Variants in NEDD4L observed in about 807,000 individuals in gnomAD.
NEDD4L encodes the protein NEDD4 like E3 ubiquitin protein ligase, also known as E3 ubiquitin-protein ligase NEDD4-like.
Under a neutral mutation model 148.9 loss-of-function variants are expected in NEDD4L, and 54 were observed. That is an observed-to-expected ratio of 0.36 (90% confidence interval 0.29 to 0.45). The LOEUF is 0.45. NEDD4L is among the 20% of genes least tolerant of loss of function. The pLI is 1.00. For missense variants in NEDD4L, 856 were observed against 1,233.8 expected (o/e 0.69, Z 4.59); for synonymous variants, 433 against 440.7 (o/e 0.98, Z 0.22).
chr18:58,236,188 C>T (rs1370766253), intron 2 of NEDD4L, among the ~76,000 whole-genome samples: 1 of 151,700 alleles, frequency 6.6e-6, no homozygotes, highest in Non-Finnish European at 1.5e-5. Context: ...AACCTCGTCT[C>T]TACAAAAAAT....
chr18:58,255,336 A>C, intron 5 of NEDD4L: 3 of 268,706 alleles, frequency 1.1e-5, no homozygotes, highest in Non-Finnish European at 2.0e-5. Context: ...AAAAAGAGCG[A>C]GTAGGGGAAA....
At chr18:58,383,422 T>C in intron 25 of NEDD4L, 103 bp downstream of exon 25, 1 of 688,546 alleles carries the variant, frequency 1.5e-6, no homozygotes, top group South Asian at 1.8e-5. Flanking sequence ...TGGGCATGAG[T>C]TTATTGGTCA....
chr18:58,219,938 G>A (rs1411167343), intron 2 of NEDD4L, among the ~76,000 whole-genome samples: 2 of 152,094 alleles, frequency 1.3e-5, no homozygotes, highest in Non-Finnish European at 2.9e-5. Flanking sequence ...GTGTATTGTG[G>A]TTCTTATTTT....
intron 5 of NEDD4L, among the ~76,000 whole-genome samples, chr18:58,274,870 C>T (rs1725316437): frequency 6.6e-6 from 1 of 152,184 alleles, no homozygotes; most frequent in Non-Finnish European, 1.5e-5. Flanking sequence ...GTAGTAGGTG[C>T]TCAATAAATG....
intron 1 of NEDD4L, among the ~76,000 whole-genome samples, chr18:58,109,803 C>T (rs1046279225): frequency 2.0e-5 from 3 of 152,112 alleles, no homozygotes; most frequent in Admixed American, 1.3e-4. Context: ...CTCCTGACCT[C>T]GTGACCCACC....
Position 58,256,846 on chromosome 18 carries a change from T to TA in NEDD4L, c.297+4796dup. 8.4e-7 allele frequency: 1 copy of TA among 1,193,314 alleles called. No homozygotes were observed. The allele number at this position is 1,193,314 out of a possible 1,614,324, so 73.9% of individuals were successfully genotyped here. ...TGCTTACTCTGCGGCGTAACCAAAA[T>TA]AAAACCTCACCCTCTGTTCCGGGAG... On this transcript the variant is annotated intron_variant, in intron 5 of 30. Coordinates refer to ENST00000400345, the MANE Select transcript of NEDD4L (RefSeq NM_001144967.3). This position sits in a 1 kb window ranked among gnomAD's most constrained non-coding sequence, Gnocchi z 5.2.
At chr18:58,109,564 T>TTTTTTTG (rs1307630660) in intron 1 of NEDD4L, among the ~76,000 whole-genome samples, 67 of 145,436 alleles carry the variant, frequency 4.6e-4, no homozygotes, top group African/African-American at 1.5e-3. Context: ...CTAGGAGGTT[T>TTTTTTTG]TTTTTTTGTT....
At chr18:58,082,665 G>A (rs887768779) in intron 1 of NEDD4L, among the ~76,000 whole-genome samples, 8 of 151,566 alleles carry the variant, frequency 5.3e-5, no homozygotes, top group Non-Finnish European at 1.0e-4. Flanking sequence ...CCATCTACTT[G>A]AGCGTCTGAG....
chr18:58,354,656 T>A (rs1348439119), intron 18 of NEDD4L, among the ~76,000 whole-genome samples: 1 of 151,934 alleles, frequency 6.6e-6, no homozygotes, highest in East Asian at 1.9e-4. Flanking sequence ...TGGTCTTAAG[T>A]GGTAGAGAGG....
intron 2 of NEDD4L, among the ~76,000 whole-genome samples, chr18:58,205,777 G>A (rs1231331607): frequency 1.3e-5 from 2 of 151,240 alleles, no homozygotes; most frequent in Non-Finnish European, 2.9e-5. Context: ...CATTCTGGTA[G>A]AATATAGTTT....
intron 5 of NEDD4L, among the ~76,000 whole-genome samples, chr18:58,271,285 G>T (rs1306702799): frequency 1.3e-5 from 2 of 151,618 alleles, no homozygotes; most frequent in African/African-American, 2.4e-5. Context: ...TGTTATGGAA[G>T]AACCCTGAAA....
intron 1 of NEDD4L, among the ~76,000 whole-genome samples, chr18:58,068,226 G>T (rs1199385196): frequency 7.3e-6 from 1 of 137,858 alleles, no homozygotes; most frequent in Non-Finnish European, 1.5e-5. Flanking sequence ...TTGAGACGGA[G>T]TCTCGCTCTG....
chr18:58,082,103 T>TATATA (rs1491360930), intron 1 of NEDD4L, among the ~76,000 whole-genome samples: 4 of 53,932 alleles, frequency 7.4e-5, no homozygotes, highest in South Asian at 4.3e-4. Context: ...TATATATATA[T>TATATA]TTTTTTTTTT....
At chr18:58,159,092 A>AT (rs762273222) in intron 1 of NEDD4L, among the ~76,000 whole-genome samples, 1 of 152,136 alleles carries the variant, frequency 6.6e-6, no homozygotes, top group Non-Finnish European at 1.5e-5. Flanking sequence ...GGGACCCAAC[A>AT]TTAAGAGAGG....
intron 1 of NEDD4L, among the ~76,000 whole-genome samples, chr18:58,082,102 A>ATATATATATATATTTTTT: frequency 1.8e-4 from 9 of 48,826 alleles, no homozygotes; most frequent in Non-Finnish European, 2.2e-4. Context: ...ATATATATAT[A>ATATATATATATATTTTTT]TTTTTTTTTT....
At chr18:58,106,385 G>C (rs757446656) in intron 1 of NEDD4L, among the ~76,000 whole-genome samples, 6 of 152,230 alleles carry the variant, frequency 3.9e-5, no homozygotes, top group Admixed American at 2.0e-4. Context: ...TCTGTGGGAA[G>C]GTACCGAAAA....
rs191494498 is a variant in NEDD4L, at chr18:58,182,716, A to G, written c.122+16855A>G. 3.3e-5 allele frequency among the ~76,000 whole-genome samples: 5 copies of G among 152,186 alleles called. No individual in the cohort carries two copies. The East Asian group carries it at 9.7e-4, about 29-fold the overall frequency. ...AGAGTGGTCTCAAACTCCTGTCCTC[A>G]AGTGATCTACCCACCTTGGCCTCCC... is the stretch of plus-strand genomic sequence containing the variant. On this transcript the variant is annotated intron_variant, in intron 2 of 30. Transcript: ENST00000400345.
chr18:58,357,138 T>C (rs747935450), intron 18 of NEDD4L, 56 bp from the exon 19 acceptor site: 2 of 1,472,108 alleles, frequency 1.4e-6, no homozygotes, highest in South Asian at 2.4e-5. Flanking sequence ...TTTCTTTACA[T>C]AGAATAGATT....
chr18:58,251,874 G>C (rs2047981981), intron 4 of NEDD4L, 127 bp from the exon 5 acceptor site: 6 of 630,534 alleles, frequency 9.5e-6, no homozygotes, highest in Non-Finnish European at 1.1e-5. Flanking sequence ...AGAACAGCAG[G>C]ATAATTGTTC....
Sources: gnomAD v4.1 joint callset for allele counts (sites outside exome capture counted in the v4.1 genomes callset) on GRCh38, gnomAD v4.1.1 for gene constraint, Gnocchi (gnomAD v3.1) non-coding constraint, MANE v1.5 for transcripts, NCBI Gene and HGNC (gene_info 2026-07-23, HGNC 2026-07-21) for gene names.